The following GPHN variants were observed in gnomAD, a reference collection of about 807,000 sequenced individuals.
GPHN encodes gephyrin.
In GPHN, 17 loss-of-function variants were observed where a neutral mutation model predicts 95.5. The ratio of observed to expected loss-of-function variants is 0.18; its 90% CI spans 0.12 to 0.27. GPHN has a LOEUF of 0.27. Among genes scored for constraint, GPHN ranks in the 10% least tolerant of loss-of-function variants. The pLI, the probability that GPHN is intolerant of heterozygous loss-of-function variation, is 1.00. For synonymous variants in GPHN, 320 were observed against 322.5 expected, an observed-to-expected ratio of 0.99 and a Z score of 0.08; for missense variants, 660 against 978.1, an observed-to-expected ratio of 0.67 and a Z score of 4.34.
chr14:67,143,489 T>C, intron 18 of GPHN, 40 bp downstream of exon 18: 1 of 1,183,422 alleles, frequency 8.5e-7, no homozygotes, highest in Non-Finnish European at 1.3e-6. Context: ...TCTGCTGTAA[T>C]GTTCTTGCAT....
chr14:67,542,874 G>A, the GPHN span, among the ~76,000 whole-genome samples: 1 of 151,888 alleles, frequency 6.6e-6, no homozygotes. Flanking sequence ...CTAATTTTGT[G>A]TTATTAGTAG....
chr14:66,913,557 G>T (rs1389675228), intron 5 of GPHN, among the ~76,000 whole-genome samples: 1 of 152,016 alleles, frequency 6.6e-6, no homozygotes, highest in African/African-American at 2.4e-5. Flanking sequence ...TGGCCAGGCT[G>T]GTCTCGAACT....
the GPHN span, among the ~76,000 whole-genome samples, chr14:67,489,218 G>A: frequency 6.6e-6 from 1 of 152,174 alleles, no homozygotes; most frequent in African/African-American, 2.4e-5. Context: ...TGAAAACACA[G>A]AGGGTTCAGG....
At chr14:67,117,342 C>T (rs751404884) in intron 16 of GPHN, among the ~76,000 whole-genome samples, 3 of 152,134 alleles carry the variant, frequency 2.0e-5, no homozygotes, top group Non-Finnish European at 2.9e-5. Context: ...AAAATGACCA[C>T]TGCAATTCCA....
Position 66,776,318 on chromosome 14 carries a change from A to T in GPHN, c.144-146A>T, listed in dbSNP as rs989406483. 3.1e-4 allele frequency: 208 copies of T among 680,220 alleles called. 1 individual carries two copies. The highest frequency in any genetic ancestry group is 3.9e-4 in the Non-Finnish European group (143 of 367,054). The allele number at this position is 680,220 out of a possible 1,614,324, so 42.1% of individuals were successfully genotyped here. ...TTTTAAACTAATACATGGAAAATAT[A>T]TGCACAAAATGGTTGTTTTTCCTCC... On this transcript the variant is annotated intron_variant, in intron 2 of 22. Transcript: ENST00000478722.
At chr14:66,792,547 T>TA (rs2060009045) in intron 3 of GPHN, among the ~76,000 whole-genome samples, 1 of 147,338 alleles carries the variant, frequency 6.8e-6, no homozygotes, top group African/African-American at 2.5e-5. Context: ...GAAGATGAAA[T>TA]AAAGACATGT....
chr14:66,556,005 A>G (rs2059993621), intron 1 of GPHN, among the ~76,000 whole-genome samples: 1 of 152,182 alleles, frequency 6.6e-6, no homozygotes, highest in Non-Finnish European at 1.5e-5. Flanking sequence ...CACCTAGGCT[A>G]TATGTTATAG....
intron 5 of GPHN, among the ~76,000 whole-genome samples, chr14:66,881,386 A>G (rs549141081): frequency 6.6e-6 from 1 of 152,020 alleles, no homozygotes; most frequent in South Asian, 2.1e-4. Flanking sequence ...GGAATTAAGT[A>G]GTAGTTTTCA....
chr14:67,392,965 G>T, the GPHN span: 2 of 917,206 alleles, frequency 2.2e-6, no homozygotes, highest in Non-Finnish European at 1.7e-6. Flanking sequence ...CTACGCAAGA[G>T]CAGACTGAAG....
At chr14:67,138,865 C>T (rs946566845) in intron 17 of GPHN, among the ~76,000 whole-genome samples, 1 of 148,320 alleles carries the variant, frequency 6.7e-6, no homozygotes, top group Non-Finnish European at 1.5e-5. Flanking sequence ...CAAATCCATA[C>T]CTCTTGCCAC....
At position 66,702,802 on chromosome 14, in the gene GPHN, C is replaced by T. The variant is rs142157175; in HGVS notation, c.143+21617C>T. The stretch of plus-strand genomic sequence containing the variant: ...CCTGATAGAGGATGAGATGGACAAA[C>T]TAACAGGAGTAGTCTTCAGAAGATG... On this transcript the variant is annotated intron_variant, in intron 2 of 22. Transcript: ENST00000478722. Among the ~76,000 whole-genome samples the T allele has an allele frequency of 3.3e-5, 5 of 152,160 alleles. No individual in the cohort carries two copies. In the East Asian group the frequency reaches 9.7e-4, roughly 29 times the overall value.
chr14:67,648,592 G>C, the GPHN span: 1 of 156,202 alleles, frequency 6.4e-6, no homozygotes, highest in African/African-American at 2.4e-5. Flanking sequence ...CTGATCTCTT[G>C]AAGAAATCTG....
the GPHN span, among the ~76,000 whole-genome samples, chr14:67,233,111 TTTTTA>T: frequency 6.3e-3 from 907 of 144,486 alleles, 7 homozygotes; most frequent in African/African-American, 0.022. Flanking sequence ...CACCAACACA[TTTTTA>T]TTTTATTTTA....
At chr14:67,012,811 A>C (rs1041479228) in intron 9 of GPHN, among the ~76,000 whole-genome samples, 3 of 152,152 alleles carry the variant, frequency 2.0e-5, no homozygotes, top group Admixed American at 1.3e-4. Context: ...CATGATCTTC[A>C]TCTGGCTGTC....
At chr14:67,465,120 T>C in the GPHN span, among the ~76,000 whole-genome samples, 1 of 152,230 alleles carries the variant, frequency 6.6e-6, no homozygotes, top group African/African-American at 2.4e-5. Flanking sequence ...ACTGGAAGAA[T>C]GTAGCCACTC....
At chr14:67,552,102 C>T in the GPHN span, among the ~76,000 whole-genome samples, 1 of 152,182 alleles carries the variant, frequency 6.6e-6, no homozygotes, top group Non-Finnish European at 1.5e-5. Flanking sequence ...AAGTGCACTT[C>T]ATCAGGTTGC....
At chr14:67,726,476 G>C in the GPHN span, among the ~76,000 whole-genome samples, 1 of 152,202 alleles carries the variant, frequency 6.6e-6, no homozygotes, top group East Asian at 1.9e-4. Context: ...GGGCTTGGCT[G>C]GAGGGGTCAC....
chr14:66,929,549 C>G (rs1017361985), intron 8 of GPHN, among the ~76,000 whole-genome samples: 5 of 151,972 alleles, frequency 3.3e-5, no homozygotes, highest in Non-Finnish European at 7.4e-5. Flanking sequence ...GAATTGATTC[C>G]TTTATCATTA....
chr14:67,477,815 G>A, the GPHN span, among the ~76,000 whole-genome samples: 1 of 152,138 alleles, frequency 6.6e-6, no homozygotes, highest in African/African-American at 2.4e-5. Context: ...CCCAAAACCT[G>A]TTTCTCTCCT....
Sources: allele counts gnomAD v4.1 joint callset (sites outside exome capture counted in the v4.1 genomes callset), GRCh38; gene constraint gnomAD v4.1.1; transcripts MANE v1.5; gene names NCBI Gene and HGNC (gene_info 2026-07-23, HGNC 2026-07-21).